BAZ1A: variants seen among roughly 807,000 people sequenced by gnomAD.
BAZ1A encodes bromodomain adjacent to zinc finger domain 1A.
BAZ1A carries 50 observed loss-of-function variants against 185.2 expected under a neutral mutation model. The ratio of observed to expected loss-of-function variants is 0.27; its 90% CI spans 0.22 to 0.34. The LOEUF (loss-of-function observed/expected upper bound fraction) is 0.34, where lower values mean the gene tolerates loss of function less well. Ranked by LOEUF, BAZ1A falls within the 10% of genes least tolerant of loss-of-function variation. BAZ1A has a pLI of 1.00. For synonymous variants in BAZ1A, 571 were observed against 615.6 expected (o/e 0.93, Z 1.07); for missense variants, 1,356 against 1,839.9 (o/e 0.74, Z 4.81).
At chr14:34,810,064 ATATC>A (rs2041908658) in intron 5 of BAZ1A, among the ~76,000 whole-genome samples, 1 of 152,216 alleles carries the variant, frequency 6.6e-6, no homozygotes, top group African/African-American at 2.4e-5. Context: ...AGAAAGTGAT[ATATC>A]TATCTCAGGA....
chr14:34,861,802 A>G (rs1179355558), intron 3 of BAZ1A, among the ~76,000 whole-genome samples: 1 of 152,216 alleles, frequency 6.6e-6, no homozygotes, highest in Non-Finnish European at 1.5e-5. Context: ...CGTTTGTTAC[A>G]TAAGACACAT....
chr14:34,839,293 C>T (rs747476990), intron 3 of BAZ1A, among the ~76,000 whole-genome samples: 16 of 152,126 alleles, frequency 1.1e-4, no homozygotes, highest in Admixed American at 6.5e-5. Flanking sequence ...CGCCTGTAAT[C>T]CCAGCACTTT....
At chr14:34,782,428 T>C (rs1880096454) in intron 16 of BAZ1A, among the ~76,000 whole-genome samples, 1 of 152,180 alleles carries the variant, frequency 6.6e-6, no homozygotes, top group Non-Finnish European at 1.5e-5. Context: ...ATTTTTTTTC[T>C]TTTAATTATT....
At chr14:34,850,713 A>C (rs1236444211) in intron 3 of BAZ1A, among the ~76,000 whole-genome samples, 1 of 152,190 alleles carries the variant, frequency 6.6e-6, no homozygotes, top group Non-Finnish European at 1.5e-5. Context: ...AAAATTTTAG[A>C]ATCTCTGCCA....
In BAZ1A at chr14:34,802,839, C is replaced by A. The variant is rs1321884535; in HGVS notation, c.861+15G>T. 1.2e-6 allele frequency: 2 copies of A among 1,603,070 alleles called. No individual in the cohort carries two copies. Among genetic ancestry groups the A allele is most frequent in the South Asian group, 2.2e-5 (2 of 89,532 alleles). ...CTAACAGTGAAAATGTAGTTTTAATCAATTCTGTACTTACTTGACTAATAT... is the reference window on the plus strand; with the variant it reads ...CTAACAGTGAAAATGTAGTTTTAATAAATTCTGTACTTACTTGACTAATAT... On this transcript the variant is annotated intron_variant, in intron 7 of 26. Coordinates refer to ENST00000360310, the MANE Select transcript of BAZ1A (RefSeq NM_013448.3).
chr14:34,754,572 A>G (rs953388186), intron 26 of BAZ1A, among the ~76,000 whole-genome samples: 2 of 152,198 alleles, frequency 1.3e-5, no homozygotes, highest in Non-Finnish European at 2.9e-5. Context: ...ATGTGATTAT[A>G]AAGAACTTCT....
chr14:34,866,502 A>AAAAAGAAAG lies in BAZ1A; in HGVS notation c.114-4181_114-4180insCTTTCTTTT. 6.3e-4 allele frequency among the ~76,000 whole-genome samples: 50 copies of AAAAAGAAAG among 79,540 alleles called. 2 individuals are homozygous for AAAAAGAAAG. Among genetic ancestry groups the AAAAAGAAAG allele is most frequent in the Non-Finnish European group, 1.3e-3 (46 of 35,288 alleles). 52.2% of individuals were successfully genotyped at this position (79,540 alleles called of 152,430 possible). On this transcript the variant is annotated intron_variant, in intron 2 of 26. Transcript: ENST00000360310. ...AACAATATCTCAAAAAAAAAAAAAAAGAAAAAAGTTCTAACTTTTTCCTAT... is the reference window on the plus strand; with the variant it reads ...AACAATATCTCAAAAAAAAAAAAAAAAAAAGAAAGGAAAAAAGTTCTAACTTTTTCCTAT...
At chr14:34,816,307 T>C (rs2042006215) in intron 4 of BAZ1A, among the ~76,000 whole-genome samples, 1 of 152,100 alleles carries the variant, frequency 6.6e-6, no homozygotes, top group Non-Finnish European at 1.5e-5. Flanking sequence ...CAGGATGGGC[T>C]TGATCTCCTG....
intron 25 of BAZ1A, among the ~76,000 whole-genome samples, chr14:34,757,144 C>T (rs1173063343): frequency 6.6e-6 from 1 of 152,150 alleles, no homozygotes; most frequent in Non-Finnish European, 1.5e-5. Flanking sequence ...ACACATGGAT[C>T]ACCTGAGGTT....
intron 26 of BAZ1A, among the ~76,000 whole-genome samples, chr14:34,754,417 CAAAA>C (rs111245900): frequency 1.9e-5 from 2 of 104,888 alleles, no homozygotes; most frequent in Admixed American, 1.1e-4. Flanking sequence ...AGACGTATCT[CAAAA>C]AAAAAAAAAA....
chr14:34,874,467 G>A lies in BAZ1A; in HGVS notation c.113+25C>T, dbSNP rs2043008161. ...GGGGGGAGTCCCCACACCCCCCGCG[G>A]CCCCGCACACGGCCCGGCTCTTACT... On this transcript the variant is annotated intron_variant, in intron 2 of 26. Transcript: ENST00000360310. The surrounding 1 kb of genome is among the most constrained non-coding windows in gnomAD (Gnocchi z 4.7). 1 of 1,595,900 alleles carries A rather than the reference G, an allele frequency of 6.3e-7. No individual in the cohort carries two copies. Among genetic ancestry groups the A allele is most frequent in the South Asian group, 1.1e-5 (1 of 90,730 alleles).
rs768195643 is a variant in BAZ1A, at chr14:34,801,176, A to T, written c.879T>A (p.Asn293Lys). The T allele has an allele frequency of 1.2e-6, 2 of 1,605,772 alleles. No individual in the cohort carries two copies. Among genetic ancestry groups the T allele is most frequent in the South Asian group, 2.3e-5 (2 of 88,736 alleles). Residue 293 changes from asparagine (N) to lysine (K), a missense_variant, in exon 8 of 27, where the codon AAT becomes AAA. Transcript: ENST00000360310. ...IHISQEDNVANKQTLASYRSK... is the reference protein window; with the variant it reads ...IHISQEDNVAKKQTLASYRSK... ...TCCTATAACTTGCAAGAGTCTGTTT[A>T]TTAGCAACATTGTCCTCCTAAAAAA...
Position 34,873,921 on chromosome 14 carries a change from T to C in BAZ1A, c.113+571A>G, listed in dbSNP as rs530228566. 6.2e-3 allele frequency among the ~76,000 whole-genome samples: 939 copies of C among 151,970 alleles called. 17 individuals carry two copies. The highest frequency in any genetic ancestry group is 0.022 in the African/African-American group (906 of 41,480). On this transcript the variant is annotated intron_variant, in intron 2 of 26. Transcript: ENST00000360310. ...CTGGCCCGTAGGGACGCCCCCTCCT[T>C]CCCTTCTAGAGCGAGTCTCAACTCC... is the stretch of plus-strand genomic sequence containing the variant.
chr14:34,793,741 A>C (rs1160401431), intron 11 of BAZ1A, among the ~76,000 whole-genome samples: 1 of 152,162 alleles, frequency 6.6e-6, no homozygotes, highest in African/African-American at 2.4e-5. Context: ...TCAGGAGTTC[A>C]AGACTAGCCT....
intron 4 of BAZ1A, among the ~76,000 whole-genome samples, chr14:34,820,739 AG>A (rs1185718395): frequency 6.8e-6 from 1 of 146,376 alleles, no homozygotes; most frequent in African/African-American, 2.5e-5. Flanking sequence ...TTTTGTAAAA[AG>A]TATAAAGTCT....
Position 34,875,279 on chromosome 14 carries a change from C to T in BAZ1A, c.-200G>A, listed in dbSNP as rs1306345077. 2.2e-6 allele frequency: 1 copy of T among 455,662 alleles called. No individual in the cohort carries two copies. The highest frequency in any genetic ancestry group is 4.4e-6 in the Non-Finnish European group (1 of 226,678). 28.2% of individuals were successfully genotyped at this position (455,662 alleles called of 1,614,324 possible). ...TTCTCCCGCTGCCACTGCCCGACTC[C>T]GCGCGGGGAATTGCGTCCCACCGCC... On this transcript the variant is annotated 5_prime_UTR_variant, in exon 1 of 27. Transcript: ENST00000360310.
chr14:34,806,273 A>G (rs1881851482), intron 6 of BAZ1A, among the ~76,000 whole-genome samples: 1 of 152,176 alleles, frequency 6.6e-6, no homozygotes, highest in Admixed American at 6.5e-5. Context: ...ACAAATGCAT[A>G]CATCTCTCTA....
intron 3 of BAZ1A, among the ~76,000 whole-genome samples, chr14:34,855,098 A>G (rs1460373347): frequency 2.0e-5 from 3 of 152,108 alleles, no homozygotes; most frequent in Non-Finnish European, 2.9e-5. Flanking sequence ...TAATAATAAT[A>G]TAATAATACC....
intron 2 of BAZ1A, among the ~76,000 whole-genome samples, chr14:34,866,365 G>A (rs1176905689): frequency 1.3e-5 from 2 of 150,772 alleles, no homozygotes; most frequent in African/African-American, 2.4e-5. Context: ...GCACATGCCT[G>A]TAGTCCTAGC....
Sources: gnomAD v4.1 joint callset for allele counts (sites outside exome capture counted in the v4.1 genomes callset) on GRCh38, gnomAD v4.1.1 for gene constraint, Gnocchi (gnomAD v3.1) non-coding constraint, MANE v1.5 for transcripts, NCBI Gene and HGNC (gene_info 2026-07-23, HGNC 2026-07-21) for gene names.